CNDP1: variants seen among roughly 807,000 people sequenced by gnomAD.
CNDP1 encodes the protein beta-Ala-His dipeptidase.
CNDP1 carries 44 observed loss-of-function variants against 58.1 expected under a neutral mutation model. The observed-to-expected ratio is 0.76, with a 90% CI of 0.60 to 0.97. The LOEUF (loss-of-function observed/expected upper bound fraction) is 0.97, where lower values mean the gene tolerates loss of function less well. Ranked by LOEUF, CNDP1 falls within the 50% of genes least tolerant of loss-of-function variation. The pLI is 0.00. For synonymous variants in CNDP1, 254 were observed against 252.6 expected, an observed-to-expected ratio of 1.01 and a Z score of -0.05; for missense variants, 616 against 655.1, an observed-to-expected ratio of 0.94 and a Z score of 0.65.
Position 74,586,705 on chromosome 18 carries a change from C to T in CNDP1, c.*2143C>T, listed in dbSNP as rs1466986689. Reference sequence around the variant, plus strand: ...GAGTTCAGAGTCCATGTTTTTCTGTCACCCAGGGTCACGACTGGTCTCCCC... The same window carrying T: ...GAGTTCAGAGTCCATGTTTTTCTGTTACCCAGGGTCACGACTGGTCTCCCC... On this transcript the variant is annotated 3_prime_UTR_variant, in exon 12 of 12. Transcript: ENST00000358821. 8 of 152,186 alleles carry T rather than the reference C, an allele frequency of 5.3e-5. No homozygotes were observed. Among genetic ancestry groups the T allele is most frequent in the African/African-American group, 1.9e-4 (8 of 41,430 alleles). 9.4% of individuals were successfully genotyped at this position (152,186 alleles called of 1,614,324 possible). A position where few individuals can be genotyped will look rare whatever the true frequency, so the allele number is the denominator to read the frequency against.
intron 1 of CNDP1, among the ~76,000 whole-genome samples, chr18:74,538,137 C>T (rs1168839013): frequency 1.3e-5 from 2 of 152,332 alleles, no homozygotes; most frequent in Non-Finnish European, 2.9e-5. Flanking sequence ...AATTTTAGAA[C>T]ATTTTCCTCA....
chr18:74,578,445 C>T (rs937218774), intron 9 of CNDP1, 118 bp downstream of exon 9: 2 of 1,018,814 alleles, frequency 2.0e-6, no homozygotes, highest in Non-Finnish European at 2.9e-6. Context: ...TTTTCCAACA[C>T]AAGAGGAGTG....
chr18:74,558,392 CTTTTTTT>C (rs71168498), intron 2 of CNDP1, among the ~76,000 whole-genome samples: 5 of 114,312 alleles, frequency 4.4e-5, no homozygotes, highest in Non-Finnish European at 8.4e-5. Flanking sequence ...CTTTCTTTTT[CTTTTTTT>C]TTTTTTTTTT....
intron 5 of CNDP1, among the ~76,000 whole-genome samples, chr18:74,565,290 C>T (rs1007120220): frequency 6.6e-6 from 1 of 152,152 alleles, no homozygotes; most frequent in Admixed American, 6.5e-5. Flanking sequence ...CCACCCCTGG[C>T]CCCTCCAAAT....
intron 1 of CNDP1, among the ~76,000 whole-genome samples, chr18:74,552,195 T>C (rs11664748): frequency 0.01 from 1,590 of 152,364 alleles, 11 homozygotes; most frequent in Non-Finnish European, 0.018. Flanking sequence ...ACTGTATAGC[T>C]TCCTCTATCT....
At chr18:74,559,111 C>T (rs930604664) in intron 2 of CNDP1, among the ~76,000 whole-genome samples, 3 of 152,172 alleles carry the variant, frequency 2.0e-5, no homozygotes, top group East Asian at 1.9e-4. Flanking sequence ...ACTAACCAGG[C>T]GCCTCTGGCT....
Position 74,567,368 on chromosome 18 carries a change from T to C in CNDP1, c.691T>C (p.Trp231Arg). 1.2e-6 allele frequency: 2 copies of C among 1,614,102 alleles called. No individual in the cohort carries two copies. Among genetic ancestry groups the C allele is most frequent in the East Asian group, 4.5e-5 (2 of 44,876 alleles). Residue 231 changes from tryptophan (W) to arginine (R), a missense_variant, in exon 6 of 12, where the codon TGG becomes CGG. Transcript: ENST00000358821. ...CTACATTGTAATTTCAGATAACCTG[T>C]GGATCAGCCAAAGGAAGCCAGCAAT... ...VDYIVISDNL[W>R]ISQRKPAITY... is the part of the protein sequence containing the mutation.
chr18:74,567,083 GA>G, intron 5 of CNDP1, 149 bp from the exon 6 acceptor site: 1 of 647,248 alleles, frequency 1.5e-6, no homozygotes, highest in Non-Finnish European at 2.8e-6. Flanking sequence ...GCACAGGAAA[GA>G]CTGGCCCCCA....
At chr18:74,566,935 A>T (rs967683233) in intron 5 of CNDP1, among the ~76,000 whole-genome samples, 2 of 152,230 alleles carry the variant, frequency 1.3e-5, no homozygotes, top group Admixed American at 6.5e-5. Context: ...ACAGTTCCAC[A>T]TGGCTGGGGA....
intron 1 of CNDP1, 86 bp from the exon 2 acceptor site, chr18:74,556,252 C>T (rs1981033743): frequency 2.0e-6 from 3 of 1,477,396 alleles, no homozygotes; most frequent in East Asian, 2.3e-5. Flanking sequence ...TGTGAGGTAA[C>T]AGACCTTCTT....
chr18:74,554,858 G>A (rs1214942119), intron 1 of CNDP1, among the ~76,000 whole-genome samples: 5 of 152,176 alleles, frequency 3.3e-5, no homozygotes. Context: ...TGGATTAGAG[G>A]AAGCCATGAA....
chr18:74,542,595 T>C (rs1053446043), intron 1 of CNDP1, among the ~76,000 whole-genome samples: 4 of 152,172 alleles, frequency 2.6e-5, no homozygotes, highest in African/African-American at 9.7e-5. Context: ...ATTTTGTTTG[T>C]TTTTTTGTTT....
At chr18:74,571,972 G>A (rs1981490789) in intron 7 of CNDP1, among the ~76,000 whole-genome samples, 2 of 152,014 alleles carry the variant, frequency 1.3e-5, no homozygotes, top group South Asian at 2.1e-4. Context: ...TTGCTTTTAG[G>A]ATGCAAAAAG....
At chr18:74,540,208 A>C (rs1193904921) in intron 1 of CNDP1, among the ~76,000 whole-genome samples, 1 of 148,226 alleles carries the variant, frequency 6.7e-6, no homozygotes, top group African/African-American at 2.5e-5. Flanking sequence ...CCCAGGCTAG[A>C]GTGCAATGGC....
At chr18:74,571,118 A>G in intron 6 of CNDP1, 68 bp from the exon 7 acceptor site, 1 of 1,001,724 alleles carries the variant, frequency 1.0e-6, no homozygotes. Context: ...GTATTTCACC[A>G]TGTGAAATGC....
At chr18:74,575,180 T>C (rs2144573651) in intron 7 of CNDP1, among the ~76,000 whole-genome samples, 1 of 152,086 alleles carries the variant, frequency 6.6e-6, no homozygotes, top group Non-Finnish European at 1.5e-5. Context: ...AAAAGGTAAA[T>C]GAGGAAATCC....
chr18:74,541,111 G>A (rs1980612200), intron 1 of CNDP1, among the ~76,000 whole-genome samples: 2 of 152,342 alleles, frequency 1.3e-5, no homozygotes, highest in Admixed American at 6.5e-5. Context: ...CCGGAAACTT[G>A]TAGGTTCTGA....
At chr18:74,540,235 G>A (rs2144638319) in intron 1 of CNDP1, among the ~76,000 whole-genome samples, 1 of 149,480 alleles carries the variant, frequency 6.7e-6, no homozygotes, top group African/African-American at 2.5e-5. Flanking sequence ...TCAGCTCACT[G>A]CAACCTCCGC....
rs1280589028 is a variant in CNDP1 at position 74,570,052 on chromosome 18, A to T, written c.757-1134A>T. On this transcript the variant is annotated intron_variant, in intron 6 of 11. Coordinates refer to ENST00000358821, the MANE Select transcript of CNDP1 (RefSeq NM_032649.6). ...AAAATACAAAAAAAAAAAAAAAAAAAGCTGGGCATGGTGGCGTGCACCTGT... is the reference window on the plus strand; with the variant it reads ...AAAATACAAAAAAAAAAAAAAAAAATGCTGGGCATGGTGGCGTGCACCTGT... 5.9e-4 allele frequency among the ~76,000 whole-genome samples: 75 copies of T among 126,692 alleles called. No homozygotes were observed. The East Asian group carries it at 0.01, about 17-fold the overall frequency. The allele number at this position is 126,692 out of a possible 152,430, so 83.1% of individuals were successfully genotyped here. A position where few individuals can be genotyped will look rare whatever the true frequency, so the allele number is the denominator to read the frequency against.
Sources: gnomAD v4.1 joint callset for allele counts (sites outside exome capture counted in the v4.1 genomes callset) on GRCh38, gnomAD v4.1.1 for gene constraint, MANE v1.5 for transcripts, NCBI Gene and HGNC (gene_info 2026-07-23, HGNC 2026-07-21) for gene names.